Variants in DYNC1I1 observed in about 807,000 individuals in gnomAD.
DYNC1I1 encodes cytoplasmic dynein 1 intermediate chain 1.
DYNC1I1 carries 43 observed loss-of-function variants against 86.6 expected under a neutral mutation model. That is an observed-to-expected ratio of 0.50 (90% CI 0.39 to 0.64). The LOEUF (loss-of-function observed/expected upper bound fraction) is 0.64, where lower values mean the gene tolerates loss of function less well. Ranked by LOEUF, DYNC1I1 falls within the 30% of genes least tolerant of loss-of-function variation. The probability of loss-of-function intolerance (pLI) is 0.00; values close to 1 mark genes in which losing one functional copy is unlikely to be tolerated. For synonymous variants in DYNC1I1, 262 were observed against 283.7 expected (o/e 0.92, Z 0.77); for missense variants, 604 against 788.8 (o/e 0.77, Z 2.81).
At chr7:96,006,865 G>A (rs1426992304) in intron 10 of DYNC1I1, among the ~76,000 whole-genome samples, 5 of 152,090 alleles carry the variant, frequency 3.3e-5, no homozygotes, top group Non-Finnish European at 7.4e-5. Context: ...AAACATCTGG[G>A]ACCTGCCTGC....
intron 6 of DYNC1I1, among the ~76,000 whole-genome samples, chr7:95,920,249 C>T (rs1791575929): frequency 6.6e-6 from 1 of 152,114 alleles, no homozygotes; most frequent in South Asian, 2.1e-4. Context: ...AGTCTTCCTC[C>T]CCCACACCCA....
At chr7:95,954,158 G>T (rs977819517) in intron 6 of DYNC1I1, among the ~76,000 whole-genome samples, 1 of 151,792 alleles carries the variant, frequency 6.6e-6, no homozygotes, top group South Asian at 2.1e-4. Flanking sequence ...CAAAAGCATT[G>T]TCATTCTCAA....
At chr7:95,841,334 G>A (rs781569535) in intron 5 of DYNC1I1, among the ~76,000 whole-genome samples, 3 of 152,132 alleles carry the variant, frequency 2.0e-5, no homozygotes, top group Non-Finnish European at 4.4e-5. Flanking sequence ...CAAGAAACAG[G>A]CAAGTCAGAA....
intron 1 of DYNC1I1, chr7:95,804,427 T>C: frequency 1.6e-6 from 2 of 1,227,218 alleles, no homozygotes; most frequent in Non-Finnish European, 2.1e-6. Context: ...GAAACTTGTA[T>C]AGAAAATGTG....
At chr7:95,873,645 A>G (rs941729968) in intron 6 of DYNC1I1, among the ~76,000 whole-genome samples, 7 of 152,198 alleles carry the variant, frequency 4.6e-5, no homozygotes, top group Non-Finnish European at 1.0e-4. Flanking sequence ...CTTCCTCTCC[A>G]GGTCCTGCTG....
intron 6 of DYNC1I1, among the ~76,000 whole-genome samples, chr7:95,963,689 T>G (rs1490336624): frequency 6.6e-6 from 1 of 152,156 alleles, no homozygotes; most frequent in Non-Finnish European, 1.5e-5. Flanking sequence ...TGCTCACTAT[T>G]TGGAGGGATT....
chr7:95,880,815 T>C (rs1790436871), intron 6 of DYNC1I1, among the ~76,000 whole-genome samples: 2 of 151,890 alleles, frequency 1.3e-5, no homozygotes, highest in South Asian at 4.2e-4. Context: ...CCAGCTAATT[T>C]TTGTATTTTT....
chr7:96,104,450 G>A (rs888524730), intron 16 of DYNC1I1, among the ~76,000 whole-genome samples: 1 of 151,984 alleles, frequency 6.6e-6, no homozygotes, highest in African/African-American at 2.4e-5. Flanking sequence ...TTTGCCACAG[G>A]TCACAAAGAT....
intron 3 of DYNC1I1, 62 bp downstream of exon 3, chr7:95,810,568 C>G: frequency 7.6e-7 from 1 of 1,324,020 alleles, no homozygotes; most frequent in Non-Finnish European, 1.0e-6. Context: ...TATACCATGT[C>G]CAGTGTTTAC....
At chr7:96,090,407 G>A (rs964448267) in intron 16 of DYNC1I1, among the ~76,000 whole-genome samples, 1 of 151,940 alleles carries the variant, frequency 6.6e-6, no homozygotes, top group Admixed American at 6.6e-5. Flanking sequence ...TATATTCGCT[G>A]GCTTATTGAA....
intron 6 of DYNC1I1, among the ~76,000 whole-genome samples, chr7:95,891,703 A>T (rs549072329): frequency 2.6e-5 from 4 of 152,198 alleles, no homozygotes; most frequent in Non-Finnish European, 5.9e-5. Flanking sequence ...AATTGGGGGA[A>T]AGGGAGCATG....
intron 6 of DYNC1I1, among the ~76,000 whole-genome samples, chr7:95,873,697 A>G (rs137893395): frequency 2.3e-4 from 35 of 152,350 alleles, no homozygotes; most frequent in African/African-American, 7.9e-4. Flanking sequence ...CAAGGGCTAC[A>G]GATAGAGAAC....
At chr7:95,804,367 T>C (rs1464153057) in intron 1 of DYNC1I1, 1 of 1,277,468 alleles carries the variant, frequency 7.8e-7, no homozygotes, top group Non-Finnish European at 1.0e-6. Context: ...TTGGAAGTCA[T>C]GATGATGGTT....
intron 1 of DYNC1I1, among the ~76,000 whole-genome samples, chr7:95,802,993 C>G (rs1794617689): frequency 6.6e-6 from 1 of 152,206 alleles, no homozygotes; most frequent in Admixed American, 6.5e-5. Flanking sequence ...GCATACTCCA[C>G]CAAACCTTGG....
At chr7:95,781,842 A>T (rs1794001645) in intron 1 of DYNC1I1, among the ~76,000 whole-genome samples, 1 of 152,046 alleles carries the variant, frequency 6.6e-6, no homozygotes, top group South Asian at 2.1e-4. Context: ...TAAGATGGGG[A>T]TGGTAAAGGA....
chr7:95,785,781 A>G (rs893498379), intron 1 of DYNC1I1, among the ~76,000 whole-genome samples: 8,602 of 27,868 alleles, frequency 0.31, 384 homozygotes, highest in African/African-American at 0.4. Flanking sequence ...ATGTGTATAT[A>G]TATATATATA....
At position 96,035,690 on chromosome 7, in the gene DYNC1I1, C is replaced by A; in HGVS notation, c.1302C>A (p.Asp434Glu). ...CCGGAATGGCTTTCCCAACGGGAGA[C>A]GTCAATAACTTCGTGGTTGGCAGTG... is the stretch of plus-strand genomic sequence containing the variant. ...AVTGMAFPTG[D>E]VNNFVVGSEE... Residue 434 changes from aspartate (D) to glutamate (E), a missense_variant, in exon 13 of 17, where the codon GAC becomes GAA. Coordinates refer to ENST00000447467, the MANE Select transcript of DYNC1I1 (RefSeq NM_001135556.2). 1 of 1,611,942 alleles carries A rather than the reference C, an allele frequency of 6.2e-7. No individual in the cohort carries two copies. The highest frequency in any genetic ancestry group is 8.5e-7 in the Non-Finnish European group (1 of 1,179,080).
chr7:96,102,037 G>A (rs1023397724), downstream of DYNC1I1, among the ~76,000 whole-genome samples: 1 of 151,724 alleles, frequency 6.6e-6, no homozygotes, highest in Non-Finnish European at 1.5e-5. Context: ...TAAGATCACT[G>A]ATCACAGCTG....
At chr7:95,990,570 A>G (rs6971173) in intron 9 of DYNC1I1, among the ~76,000 whole-genome samples, 21,857 of 152,110 alleles carry the variant, frequency 0.14, 1,808 homozygotes, top group Middle Eastern at 0.19. Flanking sequence ...AAGTCAGTAT[A>G]AGTACTTTTA....
Sources: allele counts gnomAD v4.1 joint callset (sites outside exome capture counted in the v4.1 genomes callset), GRCh38; gene constraint gnomAD v4.1.1; transcripts MANE v1.5; gene names NCBI Gene and HGNC (gene_info 2026-07-23, HGNC 2026-07-21).